The following TMEM255A variants were observed in gnomAD, a reference collection of about 807,000 sequenced individuals.
TMEM255A encodes the protein transmembrane protein 255A.
A neutral mutation model predicts 23.5 loss-of-function variants in TMEM255A; 14 were observed. That is an observed-to-expected ratio of 0.60 (90% confidence interval 0.39 to 0.93). The LOEUF (loss-of-function observed/expected upper bound fraction) is 0.93. Among genes scored for constraint, TMEM255A ranks in the 40% least tolerant of loss-of-function variants. The pLI, the probability that TMEM255A is intolerant of heterozygous loss-of-function variation, is 0.00. For missense variants in TMEM255A, 233 were observed against 261.7 expected (o/e 0.89, Z 0.76); for synonymous variants, 104 against 100.3 (o/e 1.04, Z -0.22).
chrX:120,253,816 A>G, downstream of TMEM255A: 1 of 1,211,442 alleles, frequency 8.3e-7, no homozygotes, highest in Non-Finnish European at 1.1e-6. Flanking sequence ...CAGGATGGTA[A>G]TACTGAGCCT....
chrX:120,251,607 T>C, the TMEM255A span, among the ~76,000 whole-genome samples: 1 of 111,874 alleles, frequency 8.9e-6, no homozygotes, highest in Non-Finnish European at 1.9e-5. Context: ...GAGGTTCAGC[T>C]GCCGCAGGGA....
chrX:120,255,524 A>G (rs1025109821), downstream of TMEM255A: 12 of 730,789 alleles, frequency 1.6e-5, no homozygotes, highest in African/African-American at 2.4e-4. Context: ...CGAACAAGTT[A>G]ATTTGATCTG....
intron 6 of TMEM255A, among the ~76,000 whole-genome samples, chrX:120,280,234 T>A (rs1374485974): frequency 9.1e-6 from 1 of 109,437 alleles, no homozygotes; most frequent in East Asian, 2.8e-4. Context: ...GCTCAATCTA[T>A]CCTCCCATTT....
intron 2 of TMEM255A, among the ~76,000 whole-genome samples, chrX:120,295,954 G>T (rs1556023943): frequency 7.2e-5 from 8 of 111,489 alleles, no homozygotes; most frequent in Non-Finnish European, 1.5e-4. Flanking sequence ...ATAATTATGT[G>T]CTCTATTTTG....
rs1408025618 is a variant in TMEM255A, at chrX:120,258,862, C to T, written c.*2008G>A. 2 of 112,685 alleles carry T rather than the reference C, an allele frequency of 1.8e-5. No individual in the cohort carries two copies. Among genetic ancestry groups the T allele is most frequent in the Non-Finnish European group, 3.8e-5 (2 of 53,256 alleles). 9.3% of individuals were successfully genotyped at this position (112,685 alleles called of 1,213,427 possible). A position where few individuals can be genotyped will look rare whatever the true frequency, so the allele number is the denominator to read the frequency against. ...GCAGTCAAGATACATATTGGAAATA[C>T]AAATCCATTCATTACAGCAAATGTT... On this transcript the variant is annotated 3_prime_UTR_variant, in exon 9 of 9. Transcript: ENST00000371369.
chrX:120,301,797 T>C (rs577337255), intron 2 of TMEM255A, among the ~76,000 whole-genome samples: 3 of 111,492 alleles, frequency 2.7e-5, no homozygotes, highest in South Asian at 7.6e-4. Context: ...TTGGAGTTTC[T>C]ATAGTAACTC....
intron 4 of TMEM255A, among the ~76,000 whole-genome samples, chrX:120,288,765 C>G (rs782568548): frequency 4.4e-5 from 5 of 112,561 alleles, no homozygotes; most frequent in Non-Finnish European, 9.4e-5. Context: ...CTGCTCTATG[C>G]CAGGCCCTCT....
chrX:120,296,919 TATATA>T (rs1220188829), intron 2 of TMEM255A, among the ~76,000 whole-genome samples: 276 of 1,890 alleles, frequency 0.15, 64 homozygotes, highest in African/African-American at 0.23. Flanking sequence ...ATATATATTA[TATATA>T]ATATTATATA....
At chrX:120,277,743 A>C (rs180851660) in intron 6 of TMEM255A, among the ~76,000 whole-genome samples, 10 of 112,160 alleles carry the variant, frequency 8.9e-5, no homozygotes, top group Admixed American at 7.5e-4. Context: ...AACAAACAAA[A>C]AAACAAACAA....
At chrX:120,283,842 C>G (rs181164457) in intron 6 of TMEM255A, among the ~76,000 whole-genome samples, 3 of 111,386 alleles carry the variant, frequency 2.7e-5, no homozygotes, top group Non-Finnish European at 5.7e-5. Flanking sequence ...ATGCTGTACC[C>G]TTCAATGGCC....
chrX:120,302,805 C>T (rs781873764), intron 2 of TMEM255A, among the ~76,000 whole-genome samples: 2 of 110,949 alleles, frequency 1.8e-5, no homozygotes, highest in East Asian at 2.8e-4. Context: ...AATCAGTGAC[C>T]TAGGCAACAG....
chrX:120,272,385 G>A (rs782786329), intron 7 of TMEM255A, among the ~76,000 whole-genome samples: 1 of 111,385 alleles, frequency 9.0e-6, no homozygotes, highest in Non-Finnish European at 1.9e-5. Flanking sequence ...TGGCTTTTAC[G>A]CACTTGATGC....
At chrX:120,309,678 CTCTCTCTCTCTCGCTCTCGCTG>C (rs2058086551) in intron 1 of TMEM255A, among the ~76,000 whole-genome samples, 1 of 111,460 alleles carries the variant, frequency 9.0e-6, no homozygotes, top group Admixed American at 9.4e-5. Context: ...ACCTCTCTGT[CTCTCTCTCTCTCGCTCTCGCTG>C]TCGCTCTCTC....
At chrX:120,279,619 G>T (rs1194201610) in intron 6 of TMEM255A, among the ~76,000 whole-genome samples, 1 of 112,263 alleles carries the variant, frequency 8.9e-6, no homozygotes, top group African/African-American at 3.2e-5. Context: ...GTATATATAG[G>T]CAGGCAGTAT....
chrX:120,253,863 C>G (rs996808757), downstream of TMEM255A: 1 of 1,211,173 alleles, frequency 8.3e-7, no homozygotes, highest in Non-Finnish European at 1.1e-6. Context: ...CCTTGTAATA[C>G]AGAAATCAAA....
At chrX:120,271,223 A>G (rs1449757885) in intron 7 of TMEM255A, among the ~76,000 whole-genome samples, 18 of 111,967 alleles carry the variant, frequency 1.6e-4, no homozygotes, top group Admixed American at 1.4e-3. Flanking sequence ...ATGTTAAAAC[A>G]CTCATAGAAC....
At position 120,304,478 on chromosome X, in the gene TMEM255A, C is replaced by A; in HGVS notation, c.72G>T (p.Arg24=). The part of the protein sequence containing the change: ...SLPDSMGAFN[R]RKRNSIYVTV... ...TGACATAGATGGAGTTTCGTTTCCTCCGATTGAATGCTCCTGAAAGCACAG... is the reference window on the plus strand; with the variant it reads ...TGACATAGATGGAGTTTCGTTTCCTACGATTGAATGCTCCTGAAAGCACAG... Residue 24 remains arginine, a synonymous_variant, in exon 2 of 9, where the codon CGG becomes CGT. Transcript: ENST00000371369. 1 of 1,209,541 alleles carries A rather than the reference C, an allele frequency of 8.3e-7. No individual in the cohort carries two copies. The highest frequency in any genetic ancestry group is 1.8e-5 in the South Asian group (1 of 56,574).
At chrX:120,272,933 C>T (rs868911743) in intron 7 of TMEM255A, among the ~76,000 whole-genome samples, 5 of 110,116 alleles carry the variant, frequency 4.5e-5, no homozygotes, top group Non-Finnish European at 7.6e-5. Context: ...GTAGAGACAG[C>T]GTTTCACCAT....
At chrX:120,280,023 GAT>G (rs2057827348) in intron 6 of TMEM255A, among the ~76,000 whole-genome samples, 1 of 12,861 alleles carries the variant, frequency 7.8e-5, no homozygotes, top group African/African-American at 2.5e-4. Flanking sequence ...TTTTTTTTTT[GAT>G]GGGGTCTTGC....
Sources: gnomAD v4.1 joint callset for allele counts (sites outside exome capture counted in the v4.1 genomes callset) on GRCh38, gnomAD v4.1.1 for gene constraint, MANE v1.5 for transcripts, NCBI Gene and HGNC (gene_info 2026-07-23, HGNC 2026-07-21) for gene names.